PHRF1: variants seen among roughly 807,000 people sequenced by gnomAD.
The protein encoded by PHRF1 is PHD and ring finger domains 1.
A neutral mutation model predicts 128.9 loss-of-function variants in PHRF1; 53 were observed. The ratio of observed to expected loss-of-function variants is 0.41; its 90% CI spans 0.33 to 0.52. The LOEUF is 0.52. PHRF1 is among the 20% of genes least tolerant of loss of function. The pLI, the probability that PHRF1 is intolerant of heterozygous loss-of-function variation, is 0.21. For missense variants in PHRF1, 2,503 were observed against 2,284.5 expected (o/e 1.10, Z -1.95); for synonymous variants, 1,178 against 980.6 (o/e 1.20, Z -3.76).
At position 601,672 on chromosome 11, in the gene PHRF1, G is replaced by C; in HGVS notation, c.1123G>C (p.Val375Leu). ...ATRSKKRQHR[V>L]KKRRGKKVKS... ...AAGATCTAAGAAACGCCAACATCGA[G>C]TGAAGAAGAGAAGAGGGAAGAAGGT... is the stretch of plus-strand genomic sequence containing the variant. The change falls in exon 10 of 18, where the codon GTG becomes CTG. Residue 375 changes from valine (V) to leucine (L), a missense_variant. Transcript: ENST00000264555. The C allele has an allele frequency of 6.2e-7, 1 of 1,613,846 alleles. No homozygotes were observed. The highest frequency in any genetic ancestry group is 8.5e-7 in the Non-Finnish European group (1 of 1,179,878).
rs200765861 is a variant in PHRF1 at position 607,183 on chromosome 11, A to G, written c.1727A>G (p.Asn576Ser). The G allele has an allele frequency of 1.5e-3, 2,426 of 1,612,634 alleles. 2 individuals carry two copies. Among genetic ancestry groups the G allele is most frequent in the Non-Finnish European group, 1.9e-3 (2,293 of 1,179,792 alleles). Residue 576 changes from asparagine to serine, a missense_variant, in exon 14 of 18, where the codon AAC (asparagine) becomes AGC (serine). Transcript: ENST00000264555. Reference protein sequence around the residue: ...SGSPAQGPSGNRPQSTGLSCQ... With the variant: ...SGSPAQGPSGSRPQSTGLSCQ... Reference sequence around the variant, plus strand: ...AGCCCGGCCCAAGGCCCGTCAGGAAACAGGCCACAGAGCACAGGGCTCAGC... The same window carrying G: ...AGCCCGGCCCAAGGCCCGTCAGGAAGCAGGCCACAGAGCACAGGGCTCAGC...
intron 3 of PHRF1, among the ~76,000 whole-genome samples, chr11:584,043 G>A (rs539267203): frequency 1.3e-5 from 2 of 152,354 alleles, no homozygotes; most frequent in Admixed American, 1.3e-4. Flanking sequence ...GTTCCAGAAA[G>A]GTAACACTCC....
At chr11:581,644 G>T (rs1321673237) in intron 2 of PHRF1, 38 bp downstream of exon 2, 3 of 1,561,032 alleles carry the variant, frequency 1.9e-6, no homozygotes, top group Non-Finnish European at 2.6e-6. Context: ...GTCCCCAGGA[G>T]GAGCAGGGTG....
At chr11:600,092 C>T (rs1010932890) in intron 9 of PHRF1, among the ~76,000 whole-genome samples, 1 of 151,978 alleles carries the variant, frequency 6.6e-6, no homozygotes, top group African/African-American at 2.4e-5. Flanking sequence ...CCACCTGCCT[C>T]GGCCTCCCAA....
chr11:587,572 C>G, intron 4 of PHRF1, 108 bp downstream of exon 4: 1 of 1,139,264 alleles, frequency 8.8e-7, no homozygotes, highest in East Asian at 2.4e-5. Flanking sequence ...GTCTGCTCTG[C>G]GGCTGACCCT....
Position 597,332 on chromosome 11 carries a change from G to A in PHRF1, c.719-63G>A. ...GCTACTTGGCCGGCAGCCACAGGGGGAGCCGTTGGGGGAGGCGTGTGGCCT... is the reference window on the plus strand; with the variant it reads ...GCTACTTGGCCGGCAGCCACAGGGGAAGCCGTTGGGGGAGGCGTGTGGCCT... On this transcript the variant is annotated intron_variant, in intron 7 of 17. Coordinates refer to ENST00000264555, the MANE Select transcript of PHRF1 (RefSeq NM_001286581.2). This position sits in a 1 kb window ranked among gnomAD's most constrained non-coding sequence, Gnocchi z 6.5. 6.4e-7 allele frequency: 1 copy of A among 1,551,938 alleles called. No individual in the cohort carries two copies. The highest frequency in any genetic ancestry group is 8.7e-7 in the Non-Finnish European group (1 of 1,145,744).
chr11:611,383 C>G (rs1017145225), intron 17 of PHRF1, among the ~76,000 whole-genome samples: 1 of 152,216 alleles, frequency 6.6e-6, no homozygotes, highest in Non-Finnish European at 1.5e-5. Context: ...GAGCAGTTGC[C>G]TGGTGACGTC....
intron 14 of PHRF1, 119 bp from the exon 15 acceptor site, chr11:610,077 C>T (rs1274764943): frequency 8.4e-6 from 11 of 1,309,974 alleles, no homozygotes; most frequent in Non-Finnish European, 1.1e-5. Context: ...GGGGGTGGAT[C>T]TGAGGGCTGC....
intron 1 of PHRF1, among the ~76,000 whole-genome samples, chr11:579,726 G>A (rs1042099567): frequency 6.6e-6 from 1 of 152,226 alleles, no homozygotes; most frequent in African/African-American, 2.4e-5. Context: ...TAGAAGAAAG[G>A]TTAATTACTA....
chr11:611,209 CAG>C (rs1468747092), intron 17 of PHRF1, 127 bp downstream of exon 17: 9 of 1,447,450 alleles, frequency 6.2e-6, no homozygotes, highest in African/African-American at 4.3e-5. Flanking sequence ...GGTTAGGGGT[CAG>C]GGGGCTGTAT....
At chr11:577,135 C>T (rs1320475076) in intron 1 of PHRF1, among the ~76,000 whole-genome samples, 2 of 152,230 alleles carry the variant, frequency 1.3e-5, no homozygotes, top group Non-Finnish European at 2.9e-5. Context: ...GCCTGTGTGG[C>T]TGGCGGTTTT....
rs1233947624 is a variant in PHRF1, at chr11:588,768, T to C, written c.420+1304T>C. Among the ~76,000 whole-genome samples, 3 of 152,320 alleles carry C rather than the reference T, an allele frequency of 2.0e-5. No homozygotes were observed. In the East Asian group the frequency reaches 5.8e-4, roughly 29 times the overall value. On this transcript the variant is annotated intron_variant, in intron 4 of 17. Coordinates refer to ENST00000264555, the MANE Select transcript of PHRF1 (RefSeq NM_001286581.2). ...GGAACAAGATACAGTGTTTGCTATG[T>C]ATTTTCTGTCTGGCATTTATTAGAT...
In PHRF1 at chr11:597,881, C is replaced by T. The variant is rs1357431710; in HGVS notation, c.894+311C>T. Among the ~76,000 whole-genome samples, 1 of 152,206 alleles carries T rather than the reference C, an allele frequency of 6.6e-6. No homozygotes were observed. Among genetic ancestry groups the T allele is most frequent in the Non-Finnish European group, 1.5e-5 (1 of 68,014 alleles). ...CCATGCCAGCACCGCTCCCTCTAGG[C>T]ACCTGTGAGCACCTTCCTCTTGCAC... On this transcript the variant is annotated intron_variant, in intron 8 of 17. Coordinates refer to ENST00000264555, the MANE Select transcript of PHRF1 (RefSeq NM_001286581.2). The surrounding 1 kb of genome is among the most constrained non-coding windows in gnomAD (Gnocchi z 6.5).
In PHRF1 at chr11:608,269, C is replaced by G. The variant is rs760793863; in HGVS notation, c.2813C>G (p.Pro938Arg). Residue 938 changes from proline (P) to arginine (R), a missense_variant, in exon 14 of 18, where the codon CCA (proline) becomes CGA (arginine). Physicochemically the swap from Pro to Arg is moderately radical, Grantham distance 103. Transcript: ENST00000264555. ...GCCCGGCTGCGGAGGCCATCCCCCC[C>G]AGAGCCCTGGGATGAGGAGGATGGG... is the stretch of plus-strand genomic sequence containing the variant. ...LAARLRRPSP[P>R]EPWDEEDGAS... 8.7e-6 allele frequency: 14 copies of G among 1,610,100 alleles called. No individual in the cohort carries two copies. In the South Asian group the frequency reaches 9.9e-5, roughly 11 times the overall value.
chr11:584,013 G>A (rs2134189916), intron 3 of PHRF1, among the ~76,000 whole-genome samples: 1 of 152,348 alleles, frequency 6.6e-6, no homozygotes, highest in Non-Finnish European at 1.5e-5. Context: ...GCATAGCCCT[G>A]TGGTTATCAG....
At chr11:588,909 G>T (rs1371994498) in intron 4 of PHRF1, among the ~76,000 whole-genome samples, 1 of 152,044 alleles carries the variant, frequency 6.6e-6, no homozygotes, top group South Asian at 2.1e-4. Flanking sequence ...AGGCCAAGGT[G>T]GGTGGATCAT....
chr11:577,559 A>G (rs1002429542), intron 1 of PHRF1, among the ~76,000 whole-genome samples: 1 of 152,260 alleles, frequency 6.6e-6, no homozygotes, highest in Non-Finnish European at 1.5e-5. Context: ...GGCCATGACA[A>G]GCCTGGCCTT....
At chr11:595,324 C>G (rs1397200296) in intron 6 of PHRF1, among the ~76,000 whole-genome samples, 3 of 152,200 alleles carry the variant, frequency 2.0e-5, no homozygotes, top group East Asian at 3.8e-4. Context: ...CAAAAAAACA[C>G]TATCTGTAGA....
Position 597,534 on chromosome 11 carries a change from G to C in PHRF1, c.858G>C (p.Val286=), listed in dbSNP as rs750393187. 3.1e-6 allele frequency: 5 copies of C among 1,612,150 alleles called. No homozygotes were observed. In the Admixed American group the frequency reaches 8.4e-5, roughly 27 times the overall value. The change falls in exon 8 of 18, where the codon GTG becomes GTC. Residue 286 remains valine, a synonymous_variant. Coordinates refer to ENST00000264555, the MANE Select transcript of PHRF1 (RefSeq NM_001286581.2). This position sits in a 1 kb window ranked among gnomAD's most constrained non-coding sequence, Gnocchi z 6.5. ...TRQSERVRAT[V]NRNRISTARR... ...AGAGTGAGAGAGTGAGAGCAACCGT[G>C]AACCGGAACCGGATCTCCACGGCCA...
Sources: allele counts gnomAD v4.1 joint callset (sites outside exome capture counted in the v4.1 genomes callset), GRCh38; gene constraint gnomAD v4.1.1; non-coding constraint Gnocchi (gnomAD v3.1); transcripts MANE v1.5; gene names NCBI Gene and HGNC (gene_info 2026-07-23, HGNC 2026-07-21).